The following ZNF723 variants were observed in gnomAD, a reference collection of about 807,000 sequenced individuals.
The protein encoded by ZNF723 is zinc finger protein 723, also known as zinc finger protein 723, pseudogene.
Under a neutral mutation model 9.4 loss-of-function variants are expected in ZNF723, and 5 were observed. The observed-to-expected ratio is 0.53, with a 90% CI of 0.28 to 1.12. ZNF723 has a LOEUF of 1.12. Among genes scored for constraint, ZNF723 ranks in the 50% most tolerant of loss-of-function variants. The pLI, the probability that ZNF723 is intolerant of heterozygous loss-of-function variation, is 0.10. For synonymous variants in ZNF723, 158 were observed against 168.8 expected (o/e 0.94, Z 0.49); for missense variants, 450 against 501.5 (o/e 0.90, Z 0.98).
At chr19:22,834,580 C>T (rs567148715) in intron 1 of ZNF723, among the ~76,000 whole-genome samples, 2 of 152,214 alleles carry the variant, frequency 1.3e-5, no homozygotes, top group East Asian at 1.9e-4. Flanking sequence ...GCTCCTGGGT[C>T]GTTTTCTGCC....
the ZNF723 span, among the ~76,000 whole-genome samples, chr19:22,819,270 A>C: frequency 6.6e-6 from 1 of 152,020 alleles, no homozygotes; most frequent in African/African-American, 2.4e-5. Flanking sequence ...ATGTAACTTT[A>C]CTCTTTTGCC....
chr19:22,819,350 C>A, the ZNF723 span, among the ~76,000 whole-genome samples: 3 of 152,238 alleles, frequency 2.0e-5, no homozygotes, highest in South Asian at 6.2e-4. Flanking sequence ...CCTCTTCTGC[C>A]TGGGCCATGC....
intron 2 of ZNF723, 55 bp downstream of exon 2, chr19:22,848,442 G>A (rs1187297045): frequency 4.9e-6 from 6 of 1,233,548 alleles, no homozygotes; most frequent in Non-Finnish European, 6.8e-6. Context: ...TCTTTTTTTG[G>A]TGTTGTAGAA....
chr19:22,819,271 C>T, the ZNF723 span, among the ~76,000 whole-genome samples: 31 of 152,344 alleles, frequency 2.0e-4, no homozygotes, highest in African/African-American at 6.5e-4. Context: ...TGTAACTTTA[C>T]TCTTTTGCCT....
chr19:22,830,945 T>C (rs900429210), upstream of ZNF723, among the ~76,000 whole-genome samples: 4 of 151,988 alleles, frequency 2.6e-5, no homozygotes, highest in Non-Finnish European at 5.9e-5. Context: ...GTATTTTTCT[T>C]AGAGACAGGG....
intron 1 of ZNF723, 108 bp downstream of exon 1, chr19:22,832,490 G>C: frequency 8.5e-7 from 1 of 1,178,110 alleles, no homozygotes; most frequent in Non-Finnish European, 1.2e-6. Flanking sequence ...CCCACAATCT[G>C]CGCTCGGAGT....
At chr19:22,819,112 A>T in the ZNF723 span, among the ~76,000 whole-genome samples, 1 of 152,006 alleles carries the variant, frequency 6.6e-6, no homozygotes, top group Admixed American at 6.5e-5. Context: ...GCTCAACAGC[A>T]AGGTGATGTT....
intron 1 of ZNF723, among the ~76,000 whole-genome samples, chr19:22,846,328 TAAAC>T (rs1967309123): frequency 6.6e-6 from 1 of 152,124 alleles, no homozygotes; most frequent in Non-Finnish European, 1.5e-5. Flanking sequence ...AATGCTTACT[TAAAC>T]AAGATGACGG....
intron 3 of ZNF723, among the ~76,000 whole-genome samples, chr19:22,856,688 T>C (rs540373243): frequency 5.8e-4 from 89 of 152,356 alleles, no homozygotes; most frequent in Non-Finnish European, 4.4e-5. Context: ...CCAGTTATTT[T>C]AGCACTTTAT....
At chr19:22,828,156 G>T (rs1249176496), upstream of ZNF723, among the ~76,000 whole-genome samples, 3 of 152,156 alleles carry the variant, frequency 2.0e-5, no homozygotes. Flanking sequence ...TTTGCATGCA[G>T]TCATCTCTAG....
intron 1 of ZNF723, among the ~76,000 whole-genome samples, chr19:22,846,589 C>CT (rs979339420): frequency 2.6e-5 from 4 of 152,096 alleles, no homozygotes; most frequent in Non-Finnish European, 4.4e-5. Flanking sequence ...CGCCACTGCC[C>CT]TCCAGCCTGG....
At chr19:22,839,466 G>GTTTTTTTTTTT in intron 1 of ZNF723, among the ~76,000 whole-genome samples, 1 of 124,540 alleles carries the variant, frequency 8.0e-6, no homozygotes, top group Non-Finnish European at 1.7e-5. Context: ...TTTTTTTTTG[G>GTTTTTTTTTTT]TTTTTTTTTT....
At chr19:22,853,788 A>T (rs1055414240) in intron 3 of ZNF723, among the ~76,000 whole-genome samples, 1 of 151,950 alleles carries the variant, frequency 6.6e-6, no homozygotes, top group South Asian at 2.1e-4. Flanking sequence ...TAATTTTTGT[A>T]TTTTTAGTAG....
chr19:22,839,090 A>G (rs1967206012), intron 1 of ZNF723, among the ~76,000 whole-genome samples: 1 of 151,534 alleles, frequency 6.6e-6, no homozygotes, highest in African/African-American at 2.4e-5. Context: ...CTGTTCACAA[A>G]CTCTTGAACT....
chr19:22,821,425 G>A, the ZNF723 span, among the ~76,000 whole-genome samples: 1 of 152,062 alleles, frequency 6.6e-6, no homozygotes, highest in Admixed American at 6.6e-5. Flanking sequence ...TCTCCTGCCT[G>A]GGCCCTTTAC....
chr19:22,848,480 A>G, intron 2 of ZNF723, 93 bp downstream of exon 2: 3 of 989,200 alleles, frequency 3.0e-6, no homozygotes, highest in Non-Finnish European at 3.0e-6. Context: ...TGCTTTGCAT[A>G]AATGAGTTTC....
chr19:22,817,090 G>C, the ZNF723 span, among the ~76,000 whole-genome samples: 1 of 152,210 alleles, frequency 6.6e-6, no homozygotes, highest in African/African-American at 2.4e-5. Flanking sequence ...CATACATTGC[G>C]TATTTGAAAA....
the ZNF723 span, among the ~76,000 whole-genome samples, chr19:22,816,899 G>A: frequency 0.084 from 12,737 of 152,242 alleles, 1,092 homozygotes; most frequent in African/African-American, 0.22. Flanking sequence ...TCCCTCACAT[G>A]GGTGATGTGA....
chr19:22,830,557 T>C (rs991452901), upstream of ZNF723, among the ~76,000 whole-genome samples: 1 of 151,926 alleles, frequency 6.6e-6, no homozygotes, highest in African/African-American at 2.4e-5. Flanking sequence ...AGTGTAAAAG[T>C]ATAATTCTCC....
Sources: gnomAD v4.1 joint callset for allele counts (sites outside exome capture counted in the v4.1 genomes callset) on GRCh38, gnomAD v4.1.1 for gene constraint, MANE v1.5 for transcripts, NCBI Gene and HGNC (gene_info 2026-07-23, HGNC 2026-07-21) for gene names.